ZFYVE9: variants seen among roughly 807,000 people sequenced by gnomAD.
ZFYVE9 encodes the protein zinc finger FYVE-type containing 9.
Under a neutral mutation model 126.7 loss-of-function variants are expected in ZFYVE9, and 43 were observed. That is an observed-to-expected ratio of 0.34 (90% confidence interval 0.27 to 0.44). ZFYVE9 has a LOEUF of 0.44. ZFYVE9 is among the 20% of genes least tolerant of loss of function. The pLI is 1.00. For synonymous variants in ZFYVE9, 521 were observed against 597.4 expected, an observed-to-expected ratio of 0.87 and a Z score of 1.87; for missense variants, 1,476 against 1,697.0, an observed-to-expected ratio of 0.87 and a Z score of 2.29.
chr1:52,336,370 T>G (rs1315635981), intron 15 of ZFYVE9, among the ~76,000 whole-genome samples: 2 of 136,986 alleles, frequency 1.5e-5, no homozygotes, highest in Non-Finnish European at 3.1e-5. Context: ...TTTTTTTTGT[T>G]TTTTTTTTTT....
intron 1 of ZFYVE9, among the ~76,000 whole-genome samples, chr1:52,215,711 T>A (rs1645065821): frequency 6.6e-6 from 1 of 152,216 alleles, no homozygotes; most frequent in Non-Finnish European, 1.5e-5. Context: ...ACATTGTCTC[T>A]AAGCAGTTAT....
At chr1:52,236,680 G>A (rs1364354949) in intron 3 of ZFYVE9, among the ~76,000 whole-genome samples, 1 of 152,108 alleles carries the variant, frequency 6.6e-6, no homozygotes, top group African/African-American at 2.4e-5. Context: ...GATTTAATAT[G>A]ATAAATGAAC....
chr1:52,231,035 T>C (rs927298969), intron 2 of ZFYVE9, among the ~76,000 whole-genome samples: 1 of 152,200 alleles, frequency 6.6e-6, no homozygotes, highest in Non-Finnish European at 1.5e-5. Flanking sequence ...AATATTTTTA[T>C]AATGACCATA....
chr1:52,223,907 C>A (rs569053134), intron 2 of ZFYVE9, among the ~76,000 whole-genome samples: 1 of 152,262 alleles, frequency 6.6e-6, no homozygotes, highest in South Asian at 2.1e-4. Context: ...TCTTTCCTTT[C>A]CTGAGAAGAG....
intron 1 of ZFYVE9, among the ~76,000 whole-genome samples, chr1:52,202,033 C>T (rs1644927721): frequency 6.6e-6 from 1 of 152,148 alleles, no homozygotes; most frequent in African/African-American, 2.4e-5. Flanking sequence ...ATCCCCCCAT[C>T]TTGGCCTCCC....
chr1:52,270,016 C>G (rs550607917), intron 7 of ZFYVE9, among the ~76,000 whole-genome samples: 1 of 151,926 alleles, frequency 6.6e-6, no homozygotes, highest in South Asian at 2.1e-4. Flanking sequence ...CCCATATACT[C>G]TTCACCTATC....
At chr1:52,259,194 A>G (rs570170105) in intron 4 of ZFYVE9, among the ~76,000 whole-genome samples, 4 of 151,998 alleles carry the variant, frequency 2.6e-5, no homozygotes, top group Admixed American at 6.6e-5. Context: ...GTGTTCTTGT[A>G]TGTATACCTG....
chr1:52,186,289 C>T (rs1430296717), intron 1 of ZFYVE9, among the ~76,000 whole-genome samples: 1 of 151,836 alleles, frequency 6.6e-6, no homozygotes, highest in East Asian at 1.9e-4. Context: ...AAAAAAGCCT[C>T]TCAGTAAACT....
At chr1:52,208,688 C>T (rs1644999701) in intron 1 of ZFYVE9, among the ~76,000 whole-genome samples, 1 of 152,032 alleles carries the variant, frequency 6.6e-6, no homozygotes, top group East Asian at 1.9e-4. Context: ...CATGCACCAC[C>T]ATGCCTGACT....
At chr1:52,273,453 G>A (rs1377046817) in intron 7 of ZFYVE9, among the ~76,000 whole-genome samples, 3 of 152,168 alleles carry the variant, frequency 2.0e-5, no homozygotes, top group Non-Finnish European at 4.4e-5. Flanking sequence ...TAATAATTAA[G>A]TGGATTTAAC....
At chr1:52,281,860 A>G (rs965495869) in intron 10 of ZFYVE9, 44 bp downstream of exon 10, 1 of 1,603,800 alleles carries the variant, frequency 6.2e-7, no homozygotes, top group African/African-American at 1.3e-5. Flanking sequence ...TGTAGATGAC[A>G]AAAAAATTTT....
intron 3 of ZFYVE9, among the ~76,000 whole-genome samples, chr1:52,237,231 T>A (rs1266014585): frequency 6.6e-6 from 1 of 152,328 alleles, no homozygotes; most frequent in Non-Finnish European, 1.5e-5. Flanking sequence ...CATTCACCTG[T>A]GGGTCAGTTT....
At chr1:52,205,655 A>C (rs1044485178) in intron 1 of ZFYVE9, among the ~76,000 whole-genome samples, 2 of 151,768 alleles carry the variant, frequency 1.3e-5, no homozygotes. Context: ...TACAGGTGTG[A>C]ACCACCATGC....
At chr1:52,342,726 G>T (rs958414144) in intron 17 of ZFYVE9, among the ~76,000 whole-genome samples, 8 of 151,904 alleles carry the variant, frequency 5.3e-5, no homozygotes, top group African/African-American at 9.7e-5. Flanking sequence ...AGTAGACAGG[G>T]TTTCACCATG....
At chr1:52,230,058 CG>C (rs1645203975) in intron 2 of ZFYVE9, among the ~76,000 whole-genome samples, 2 of 151,976 alleles carry the variant, frequency 1.3e-5, no homozygotes, top group South Asian at 4.2e-4. Context: ...TTAGTAGAGA[CG>C]GGGTTTCACC....
At chr1:52,272,996 T>G (rs1645709584) in intron 7 of ZFYVE9, among the ~76,000 whole-genome samples, 1 of 151,698 alleles carries the variant, frequency 6.6e-6, no homozygotes, top group Non-Finnish European at 1.5e-5. Flanking sequence ...AAAACAGCTT[T>G]TACTGTTTTT....
chr1:52,242,952 G>T (rs892682609), intron 4 of ZFYVE9, among the ~76,000 whole-genome samples: 2 of 152,188 alleles, frequency 1.3e-5, no homozygotes, highest in Non-Finnish European at 2.9e-5. Context: ...GTTAAAAGTG[G>T]TCTCATCCAT....
At chr1:52,324,112 T>G (rs945094070) in intron 13 of ZFYVE9, among the ~76,000 whole-genome samples, 11 of 151,260 alleles carry the variant, frequency 7.3e-5, no homozygotes, top group Non-Finnish European at 1.6e-4. Flanking sequence ...TAGCTGGGCA[T>G]AGTGGTACAT....
At chr1:52,210,267 A>G (rs2124584915) in intron 1 of ZFYVE9, among the ~76,000 whole-genome samples, 1 of 152,332 alleles carries the variant, frequency 6.6e-6, no homozygotes, top group Non-Finnish European at 1.5e-5. Flanking sequence ...TTAATGAGTC[A>G]GAAAAAATGC....
Sources: allele counts gnomAD v4.1 joint callset (sites outside exome capture counted in the v4.1 genomes callset), GRCh38; gene constraint gnomAD v4.1.1; transcripts MANE v1.5; gene names NCBI Gene and HGNC (gene_info 2026-07-23, HGNC 2026-07-21).